Variants in XRCC5 observed in about 807,000 individuals in gnomAD.
The protein encoded by XRCC5 is X-ray repair cross complementing 5.
Under a neutral mutation model 95.7 loss-of-function variants are expected in XRCC5, and 12 were observed. The observed-to-expected ratio is 0.13, with a 90% CI of 0.08 to 0.20. The LOEUF is 0.20. Ranked by LOEUF, XRCC5 falls within the 10% of genes least tolerant of loss-of-function variation. XRCC5 has a pLI of 1.00. For synonymous variants in XRCC5, 281 were observed against 290.3 expected, an observed-to-expected ratio of 0.97 and a Z score of 0.33; for missense variants, 595 against 873.9, an observed-to-expected ratio of 0.68 and a Z score of 4.02.
intron 16 of XRCC5, among the ~76,000 whole-genome samples, chr2:216,187,934 C>T (rs1353710927): frequency 4.0e-5 from 6 of 150,472 alleles, no homozygotes; most frequent in Non-Finnish European, 7.4e-5. Context: ...GCTCCCTTTC[C>T]ACTATCCAAC....
At chr2:216,174,923 G>A (rs72954616) in intron 16 of XRCC5, 10,369 of 345,852 alleles carry the variant, frequency 0.03, 208 homozygotes, top group Non-Finnish European at 0.043. Flanking sequence ...TATCCGTCAC[G>A]TCTACCGCCA....
chr2:216,198,572 TAGAG>T (rs1370230406), intron 19 of XRCC5, among the ~76,000 whole-genome samples: 179 of 147,056 alleles, frequency 1.2e-3, no homozygotes, highest in African/African-American at 4.2e-3. Context: ...TTTATTTATT[TAGAG>T]ACAGAGTCTC....
At chr2:216,113,701 C>T (rs1696634563) in intron 2 of XRCC5, among the ~76,000 whole-genome samples, 1 of 152,182 alleles carries the variant, frequency 6.6e-6, no homozygotes, top group African/African-American at 2.4e-5. Flanking sequence ...CAAAATGGCT[C>T]ACTCACATGG....
chr2:216,125,821 T>G, intron 6 of XRCC5, 96 bp from the exon 7 acceptor site: 2 of 960,196 alleles, frequency 2.1e-6, no homozygotes, highest in Non-Finnish European at 3.2e-6. Context: ...ATAATTAACA[T>G]TAGCTCACTT....
intron 16 of XRCC5, among the ~76,000 whole-genome samples, chr2:216,164,969 T>A (rs997419428): frequency 2.0e-5 from 3 of 152,100 alleles, no homozygotes; most frequent in Admixed American, 6.5e-5. Context: ...GGCCATGGGA[T>A]TGGGGATTCA....
At chr2:216,137,675 G>GC (rs1471737587) in intron 11 of XRCC5, among the ~76,000 whole-genome samples, 3 of 152,090 alleles carry the variant, frequency 2.0e-5, no homozygotes, top group Admixed American at 2.0e-4. Flanking sequence ...TGATCTTTGT[G>GC]AAACGGTTTA....
intron 13 of XRCC5, among the ~76,000 whole-genome samples, chr2:216,145,730 G>A (rs755007410): frequency 1.3e-5 from 2 of 152,122 alleles, no homozygotes; most frequent in Admixed American, 6.5e-5. Context: ...TTGACTTAAC[G>A]GATGATGACA....
intron 2 of XRCC5, 41 bp from the exon 3 acceptor site, chr2:216,116,618 T>G (rs1430822773): frequency 4.3e-6 from 7 of 1,612,402 alleles, no homozygotes; most frequent in Non-Finnish European, 5.9e-6. Flanking sequence ...GCTTCCAGAT[T>G]GTTCTAATAT....
intron 16 of XRCC5, among the ~76,000 whole-genome samples, chr2:216,172,184 G>A (rs1689176282): frequency 6.6e-6 from 1 of 152,154 alleles, no homozygotes; most frequent in Non-Finnish European, 1.5e-5. Flanking sequence ...ATAACCCGGT[G>A]GTGGAACATT....
At chr2:216,130,171 A>G (rs1696972105) in intron 8 of XRCC5, among the ~76,000 whole-genome samples, 1 of 151,410 alleles carries the variant, frequency 6.6e-6, no homozygotes, top group Non-Finnish European at 1.5e-5. Context: ...CACAAAACAT[A>G]GAAGATACTG....
At chr2:216,125,344 T>C (rs543164505) in intron 6 of XRCC5, among the ~76,000 whole-genome samples, 1 of 152,188 alleles carries the variant, frequency 6.6e-6, no homozygotes, top group South Asian at 2.1e-4. Context: ...ATTACAGCCA[T>C]GCGCCACCAC....
At position 216,144,195 on chromosome 2, in the gene XRCC5, A is replaced by C. The variant is rs1207972680; in HGVS notation, c.1476+2876A>C. Among the ~76,000 whole-genome samples, 7 of 152,364 alleles carry C rather than the reference A, an allele frequency of 4.6e-5. No homozygotes were observed. The East Asian group carries it at 1.4e-3, about 29-fold the overall frequency. ...CATTTGGACAGAGTTCTAAAAGAAC[A>C]AAGGCGGTGCATGTGGTAAGGAGGG... On this transcript the variant is annotated intron_variant, in intron 13 of 20. Coordinates refer to ENST00000392132, the MANE Select transcript of XRCC5 (RefSeq NM_021141.4).
intron 16 of XRCC5, chr2:216,176,011 C>A: frequency 4.8e-6 from 1 of 206,458 alleles, no homozygotes; most frequent in Admixed American, 5.8e-5. Context: ...TAGGGGCAAC[C>A]GGGTAGTGGT....
chr2:216,121,082 T>G (rs41299760), intron 5 of XRCC5, among the ~76,000 whole-genome samples: 113 of 152,310 alleles, frequency 7.4e-4, no homozygotes, highest in African/African-American at 2.6e-3. Context: ...TTATTTCTGA[T>G]CTAACGCAGA....
chr2:216,156,593 A>C (rs1688846868), intron 14 of XRCC5: 1 of 579,916 alleles, frequency 1.7e-6, no homozygotes, highest in East Asian at 4.5e-5. Context: ...AACTTGTGCC[A>C]GTAGAAGACC....
At chr2:216,145,184 A>G (rs569514022) in intron 13 of XRCC5, among the ~76,000 whole-genome samples, 13 of 152,260 alleles carry the variant, frequency 8.5e-5, no homozygotes, top group Admixed American at 2.6e-4. Context: ...GGGAGAGAGA[A>G]AGAGAGGACA....
At chr2:216,186,824 A>G (rs559998914) in intron 16 of XRCC5, among the ~76,000 whole-genome samples, 1 of 152,180 alleles carries the variant, frequency 6.6e-6, no homozygotes, top group Non-Finnish European at 1.5e-5. Context: ...GATGATCAGC[A>G]TTTCCTTTAT....
chr2:216,117,710 A>T lies in XRCC5; in HGVS notation c.320-36A>T, dbSNP rs1443392638. 4 of 1,609,550 alleles carry T rather than the reference A, an allele frequency of 2.5e-6. No homozygotes were observed. The South Asian group carries it at 4.4e-5, about 18-fold the overall frequency. On this transcript the variant is annotated intron_variant, in intron 3 of 20. Coordinates refer to ENST00000392132, the MANE Select transcript of XRCC5 (RefSeq NM_021141.4). ...AAGAGTTGCGTGTTCACATGAAGAGACTGTTTGGTGATATCCCTATCCTTA... is the reference window on the plus strand; with the variant it reads ...AAGAGTTGCGTGTTCACATGAAGAGTCTGTTTGGTGATATCCCTATCCTTA...
At chr2:216,198,699 C>T (rs551611542) in intron 19 of XRCC5, among the ~76,000 whole-genome samples, 44 of 152,036 alleles carry the variant, frequency 2.9e-4, no homozygotes, top group African/African-American at 9.6e-4. Flanking sequence ...ATTACAAGTG[C>T]GCACCACCCC....
Sources: gnomAD v4.1 joint callset for allele counts (sites outside exome capture counted in the v4.1 genomes callset) on GRCh38, gnomAD v4.1.1 for gene constraint, MANE v1.5 for transcripts, NCBI Gene and HGNC (gene_info 2026-07-23, HGNC 2026-07-21) for gene names.